The following TRAK1 variants were observed in gnomAD, a reference collection of about 807,000 sequenced individuals.
TRAK1 encodes trafficking kinesin protein 1.
TRAK1 carries 33 observed loss-of-function variants against 92.1 expected under a neutral mutation model. That is an observed-to-expected ratio of 0.36 (90% CI 0.27 to 0.48). The LOEUF is 0.48. Ranked by LOEUF, TRAK1 falls within the 20% of genes least tolerant of loss-of-function variation. The pLI, the probability that TRAK1 is intolerant of heterozygous loss-of-function variation, is 0.99. For missense variants in TRAK1, 1,123 were observed against 1,257.9 expected (o/e 0.89, Z 1.62); for synonymous variants, 521 against 517.3 (o/e 1.01, Z -0.10).
chr3:42,134,140 G>T (rs1204086839), intron 2 of TRAK1, among the ~76,000 whole-genome samples: 1 of 151,334 alleles, frequency 6.6e-6, no homozygotes, highest in Non-Finnish European at 1.5e-5. Flanking sequence ...GCAGGCTGTG[G>T]GCCTTTCCTT....
chr3:42,050,583 C>T (rs562738898), intron 1 of TRAK1, among the ~76,000 whole-genome samples: 1 of 152,292 alleles, frequency 6.6e-6, no homozygotes, highest in Non-Finnish European at 1.5e-5. Flanking sequence ...GTTTTTTCAT[C>T]TTCCAAAAAT....
intron 1 of TRAK1, among the ~76,000 whole-genome samples, chr3:42,101,250 G>A (rs185902972): frequency 1.2e-4 from 18 of 152,356 alleles, no homozygotes; most frequent in African/African-American, 3.8e-4. Flanking sequence ...ATGGAGTTAT[G>A]CCGGCCACAG....
chr3:42,056,984 C>T (rs1455917481), intron 1 of TRAK1, among the ~76,000 whole-genome samples: 1 of 152,114 alleles, frequency 6.6e-6, no homozygotes, highest in Non-Finnish European at 1.5e-5. Flanking sequence ...TTGAACCAAC[C>T]TGTAACCTGA....
chr3:42,208,422 G>A (rs1288224703), intron 13 of TRAK1, among the ~76,000 whole-genome samples: 1 of 152,150 alleles, frequency 6.6e-6, no homozygotes, highest in Non-Finnish European at 1.5e-5. Context: ...GTTTGGAAAT[G>A]GCAGACTCTG....
intron 1 of TRAK1, among the ~76,000 whole-genome samples, chr3:42,104,966 T>C (rs1412027642): frequency 6.6e-6 from 1 of 151,394 alleles, no homozygotes; most frequent in African/African-American, 2.4e-5. Context: ...TTTTTTTTTT[T>C]TTGAGACAGA....
intron 4 of TRAK1, among the ~76,000 whole-genome samples, chr3:42,186,238 T>A (rs990693503): frequency 6.6e-6 from 1 of 152,288 alleles, no homozygotes; most frequent in African/African-American, 2.4e-5. Context: ...CGCCTTGGTC[T>A]CCCAAAATGC....
intron 1 of TRAK1, among the ~76,000 whole-genome samples, chr3:42,029,463 A>C (rs1240040417): frequency 6.7e-6 from 1 of 148,728 alleles, no homozygotes; most frequent in Non-Finnish European, 1.5e-5. Flanking sequence ...GGTAGTCTTG[A>C]ACTCCTGAGC....
chr3:42,178,843 C>T (rs1703584050), intron 3 of TRAK1, among the ~76,000 whole-genome samples: 1 of 152,008 alleles, frequency 6.6e-6, no homozygotes, highest in African/African-American at 2.4e-5. Context: ...GGTATGGTGG[C>T]CTGTGCCTGT....
intron 2 of TRAK1, among the ~76,000 whole-genome samples, chr3:42,171,712 C>T (rs763814566): frequency 3.3e-5 from 5 of 152,106 alleles, no homozygotes; most frequent in Middle Eastern, 3.2e-3. Context: ...GGGTTTTCCT[C>T]GGGGTCTTCA....
intron 1 of TRAK1, among the ~76,000 whole-genome samples, chr3:42,015,010 A>G (rs1576073124): frequency 6.6e-6 from 1 of 152,274 alleles, no homozygotes; most frequent in Non-Finnish European, 1.5e-5. Flanking sequence ...AAGAGCAGCG[A>G]AGAGGAAGGT....
At chr3:42,119,047 C>G (rs1709527263) in intron 1 of TRAK1, among the ~76,000 whole-genome samples, 1 of 152,210 alleles carries the variant, frequency 6.6e-6, no homozygotes, top group South Asian at 2.1e-4. Context: ...GCTGCTCTCT[C>G]CTTCCCTTGT....
intron 3 of TRAK1, among the ~76,000 whole-genome samples, chr3:42,184,039 C>T (rs189865906): frequency 6.6e-6 from 1 of 152,320 alleles, no homozygotes; most frequent in Admixed American, 6.5e-5. Flanking sequence ...TTATGCATAA[C>T]GTCTCCGTTT....
At chr3:42,160,446 C>T (rs770459652) in intron 2 of TRAK1, 1 of 1,614,094 alleles carries the variant, frequency 6.2e-7, no homozygotes, top group Non-Finnish European at 8.5e-7. Context: ...CCACAGGCAG[C>T]ATGACACCCA....
At chr3:42,041,918 C>T (rs1168532485) in intron 1 of TRAK1, among the ~76,000 whole-genome samples, 1 of 152,090 alleles carries the variant, frequency 6.6e-6, no homozygotes, top group African/African-American at 2.4e-5. Flanking sequence ...CCTTAGCCTC[C>T]TGAGTCTGGG....
chr3:42,224,012 C>T lies in TRAK1; in HGVS notation c.*275C>T, dbSNP rs1275977139. The T allele has an allele frequency of 1.6e-6, 1 of 607,158 alleles. No homozygotes were observed. The highest frequency in any genetic ancestry group is 3.5e-5 in the East Asian group (1 of 28,392). 37.6% of individuals were successfully genotyped at this position (607,158 alleles called of 1,614,324 possible). ...GTCATCACTCTCACGAGGACGTCAC[C>T]TGTGCTAACCTGGGGGAAGGTGGGG... is the stretch of plus-strand genomic sequence containing the variant. On this transcript the variant is annotated 3_prime_UTR_variant, in exon 16 of 16. Transcript: ENST00000327628.
intron 1 of TRAK1, among the ~76,000 whole-genome samples, chr3:42,103,256 C>T (rs948797930): frequency 6.6e-6 from 1 of 152,196 alleles, no homozygotes; most frequent in East Asian, 1.9e-4. Flanking sequence ...CAATCTCTGC[C>T]TCCCAGGTTC....
At chr3:42,077,068 T>C (rs1704194933) in intron 1 of TRAK1, among the ~76,000 whole-genome samples, 1 of 152,210 alleles carries the variant, frequency 6.6e-6, no homozygotes, top group South Asian at 2.1e-4. Context: ...GTAAGTGTGA[T>C]CCTTCTAGCT....
chr3:42,148,025 C>CAT (rs1699536416), intron 2 of TRAK1, among the ~76,000 whole-genome samples: 1 of 92,960 alleles, frequency 1.1e-5, no homozygotes, highest in Non-Finnish European at 2.4e-5. Context: ...TACATAGAAA[C>CAT]ACACACACAC....
intron 1 of TRAK1, among the ~76,000 whole-genome samples, chr3:42,116,135 C>A (rs1709130025): frequency 6.6e-6 from 1 of 152,236 alleles, no homozygotes; most frequent in South Asian, 2.1e-4. Context: ...GAAAGCGAAT[C>A]AGCATCTGGA....
Sources: gnomAD v4.1 joint callset for allele counts (sites outside exome capture counted in the v4.1 genomes callset) on GRCh38, gnomAD v4.1.1 for gene constraint, MANE v1.5 for transcripts, NCBI Gene and HGNC (gene_info 2026-07-23, HGNC 2026-07-21) for gene names.